Variants in CNTN1 observed in about 807,000 individuals in gnomAD.
CNTN1 encodes the protein contactin 1, also known as contactin-1.
Under a neutral mutation model 126.4 loss-of-function variants are expected in CNTN1, and 38 were observed. The ratio of observed to expected loss-of-function variants is 0.30; its 90% CI spans 0.23 to 0.39. The LOEUF is 0.39. Ranked by LOEUF, CNTN1 falls within the 10% of genes least tolerant of loss-of-function variation. The pLI, the probability that CNTN1 is intolerant of heterozygous loss-of-function variation, is 1.00. For synonymous variants in CNTN1, 413 were observed against 422.6 expected, an observed-to-expected ratio of 0.98 and a Z score of 0.28; for missense variants, 1,009 against 1,248.4, an observed-to-expected ratio of 0.81 and a Z score of 2.89.
At chr12:40,720,110 C>A in intron 1 of CNTN1, among the ~76,000 whole-genome samples, 1 of 107,124 alleles carries the variant, frequency 9.3e-6, no homozygotes, top group Non-Finnish European at 2.1e-5. Context: ...CTTGGCCTCC[C>A]AAAGTGCTGG....
intron 3 of CNTN1, among the ~76,000 whole-genome samples, chr12:40,917,376 AG>A (rs1339409646): frequency 1.3e-5 from 2 of 152,102 alleles, no homozygotes; most frequent in African/African-American, 4.8e-5. Context: ...TAACCTTTTC[AG>A]GTAGATTTTA....
intron 1 of CNTN1, among the ~76,000 whole-genome samples, chr12:40,874,986 A>G (rs1291202401): frequency 6.6e-6 from 1 of 152,160 alleles, no homozygotes; most frequent in Non-Finnish European, 1.5e-5. Context: ...TAAGGTAATC[A>G]GGCCAAGATG....
chr12:40,889,999 C>T (rs1317573903), intron 1 of CNTN1, among the ~76,000 whole-genome samples: 1 of 152,056 alleles, frequency 6.6e-6, no homozygotes, highest in Non-Finnish European at 1.5e-5. Context: ...GACTCCTATC[C>T]ATGCGATATT....
chr12:40,739,418 AGAAT>A (rs2136378573), intron 1 of CNTN1, among the ~76,000 whole-genome samples: 1 of 152,204 alleles, frequency 6.6e-6, no homozygotes, highest in East Asian at 1.9e-4. Context: ...GAAATGTGTA[AGAAT>A]GATTAAAAAA....
intron 1 of CNTN1, among the ~76,000 whole-genome samples, chr12:40,707,222 T>TTTTTC: frequency 1.5e-5 from 2 of 133,876 alleles, no homozygotes; most frequent in African/African-American, 5.6e-5. Context: ...ATTTCTTTTC[T>TTTTTC]TTTTCTTTTT....
rs1475623076 is a variant in CNTN1, at chr12:40,726,774, A to G, written c.-77+34182A>G. ...TAAAAAACTCTGTTGGAATAGAAATAGAATGTTTGCCTTCAAAATCAGTAG... is the reference window on the plus strand; with the variant it reads ...TAAAAAACTCTGTTGGAATAGAAATGGAATGTTTGCCTTCAAAATCAGTAG... On this transcript the variant is annotated intron_variant, in intron 1 of 23. Coordinates refer to ENST00000551295, the MANE Select transcript of CNTN1 (RefSeq NM_001843.4). Among the ~76,000 whole-genome samples, 5 of 152,108 alleles carry G rather than the reference A, an allele frequency of 3.3e-5. 1 individual carries two copies. In the East Asian group the frequency reaches 9.6e-4, roughly 29 times the overall value.
At chr12:40,764,141 T>A (rs943849041) in intron 1 of CNTN1, among the ~76,000 whole-genome samples, 1 of 151,656 alleles carries the variant, frequency 6.6e-6, no homozygotes, top group Admixed American at 6.6e-5. Flanking sequence ...ATAGAGGGAG[T>A]GTGGAGAAAT....
At chr12:40,735,540 A>T (rs2121281986) in intron 1 of CNTN1, among the ~76,000 whole-genome samples, 1 of 152,272 alleles carries the variant, frequency 6.6e-6, no homozygotes, top group Middle Eastern at 3.4e-3. Flanking sequence ...TTTCAAAGAT[A>T]TAAGGGAATC....
intron 15 of CNTN1, among the ~76,000 whole-genome samples, chr12:40,970,157 A>G (rs969353566): frequency 6.6e-6 from 1 of 152,120 alleles, no homozygotes; most frequent in African/African-American, 2.4e-5. Flanking sequence ...ATTGTCTGGT[A>G]GATACAGTGA....
At chr12:40,847,152 G>C (rs888460600) in intron 1 of CNTN1, among the ~76,000 whole-genome samples, 1 of 152,030 alleles carries the variant, frequency 6.6e-6, no homozygotes, top group African/African-American at 2.4e-5. Flanking sequence ...AGGCGTGAGC[G>C]ACTGTGCCTG....
chr12:40,972,723 A>G (rs1947558029), intron 15 of CNTN1: 1 of 902,184 alleles, frequency 1.1e-6, no homozygotes, highest in Non-Finnish European at 1.3e-6. Flanking sequence ...ATTAATTGCC[A>G]TTTTTGTAAG....
chr12:40,801,922 T>C (rs1234820054), intron 1 of CNTN1, among the ~76,000 whole-genome samples: 3 of 151,528 alleles, frequency 2.0e-5, no homozygotes, highest in Non-Finnish European at 4.4e-5. Flanking sequence ...AGAGATAGAT[T>C]ATGAGGGCTC....
chr12:40,777,505 G>A (rs1043513423), intron 1 of CNTN1, among the ~76,000 whole-genome samples: 4 of 151,630 alleles, frequency 2.6e-5, no homozygotes, highest in African/African-American at 9.7e-5. Context: ...GTCAGCACAG[G>A]ATGAGTACTA....
intron 20 of CNTN1, among the ~76,000 whole-genome samples, chr12:41,021,758 A>G (rs1474984298): frequency 2.0e-5 from 3 of 152,046 alleles, no homozygotes; most frequent in Non-Finnish European, 4.4e-5. Flanking sequence ...ACTGGGAATA[A>G]TTAGACTGAG....
intron 1 of CNTN1, among the ~76,000 whole-genome samples, chr12:40,802,770 T>C (rs1277553239): frequency 6.6e-6 from 1 of 151,988 alleles, no homozygotes; most frequent in Non-Finnish European, 1.5e-5. Context: ...AAGCTTTGCC[T>C]ATCTTTTCAA....
intron 14 of CNTN1, among the ~76,000 whole-genome samples, chr12:40,953,276 G>A (rs577550508): frequency 3.9e-5 from 6 of 152,096 alleles, no homozygotes; most frequent in Non-Finnish European, 7.4e-5. Flanking sequence ...CTCATCTGAA[G>A]GGAGGAATTT....
At chr12:40,750,131 T>C (rs1021460969) in intron 1 of CNTN1, among the ~76,000 whole-genome samples, 1 of 152,034 alleles carries the variant, frequency 6.6e-6, no homozygotes, top group Non-Finnish European at 1.5e-5. Context: ...AGCTCTTAAA[T>C]GTTGCTATAA....
chr12:40,962,506 C>T (rs1247973728), intron 15 of CNTN1, among the ~76,000 whole-genome samples: 3 of 152,004 alleles, frequency 2.0e-5, no homozygotes, highest in Non-Finnish European at 4.4e-5. Flanking sequence ...GATCTGATTT[C>T]ATGGGGCCTT....
At chr12:40,741,295 G>A (rs1443374834) in intron 1 of CNTN1, among the ~76,000 whole-genome samples, 1 of 151,990 alleles carries the variant, frequency 6.6e-6, no homozygotes, top group Non-Finnish European at 1.5e-5. Flanking sequence ...TAATAAATCT[G>A]TTTTTTGATA....
Sources: allele counts gnomAD v4.1 joint callset (sites outside exome capture counted in the v4.1 genomes callset), GRCh38; gene constraint gnomAD v4.1.1; transcripts MANE v1.5; gene names NCBI Gene and HGNC (gene_info 2026-07-23, HGNC 2026-07-21).